STAG1: variants seen among roughly 807,000 people sequenced by gnomAD.
STAG1 encodes STAG1 cohesin complex component, also known as cohesin subunit SA-1.
A neutral mutation model predicts 170.9 loss-of-function variants in STAG1; 26 were observed. The observed-to-expected ratio is 0.15, with a 90% CI of 0.11 to 0.21. The LOEUF (loss-of-function observed/expected upper bound fraction) is 0.21. Ranked by LOEUF, STAG1 falls within the 10% of genes least tolerant of loss-of-function variation. The probability of loss-of-function intolerance (pLI) is 1.00; values close to 1 mark genes in which losing one functional copy is unlikely to be tolerated. For synonymous variants in STAG1, 514 were observed against 497.7 expected (o/e 1.03, Z -0.44); for missense variants, 964 against 1,509.5 (o/e 0.64, Z 5.99).
intron 29 of STAG1, among the ~76,000 whole-genome samples, chr3:136,345,455 G>GT (rs34593330): frequency 0.013 from 1,289 of 98,904 alleles, 19 homozygotes; most frequent in African/African-American, 0.024. Context: ...TTACCTAGTT[G>GT]TTTTTTTTTT....
At chr3:136,380,569 T>C (rs528299240) in intron 22 of STAG1, among the ~76,000 whole-genome samples, 73 of 151,822 alleles carry the variant, frequency 4.8e-4, no homozygotes, top group Middle Eastern at 3.4e-3. Flanking sequence ...GGCCTGAAAA[T>C]AATATATTGG....
Position 136,451,888 on chromosome 3 carries a change from G to C in STAG1, c.1428+145C>G, listed in dbSNP as rs1321388225. 5 of 580,378 alleles carry C rather than the reference G, an allele frequency of 8.6e-6. No homozygotes were observed. The Admixed American group carries it at 1.2e-4, about 14-fold the overall frequency. 36.0% of individuals were successfully genotyped at this position (580,378 alleles called of 1,614,324 possible). The stretch of plus-strand genomic sequence containing the variant: ...GAACACCTTTCCACAAAAGGTAAAG[G>C]ACTGATTCTATATCATGCAATTCAT... On this transcript the variant is annotated intron_variant, in intron 14 of 33. Coordinates refer to ENST00000383202, the MANE Select transcript of STAG1 (RefSeq NM_005862.3).
At chr3:136,466,905 G>C (rs1447758109) in intron 12 of STAG1, among the ~76,000 whole-genome samples, 1 of 152,190 alleles carries the variant, frequency 6.6e-6, no homozygotes, top group Non-Finnish European at 1.5e-5. Flanking sequence ...GCCAAACTAA[G>C]CTTCATGAGT....
intron 1 of STAG1, among the ~76,000 whole-genome samples, chr3:136,738,105 A>T (rs1020242451): frequency 5.3e-5 from 8 of 152,114 alleles, no homozygotes; most frequent in African/African-American, 1.9e-4. Context: ...AAATACTAAA[A>T]AATGCTCAAT....
chr3:136,343,618 G>A (rs1335256781), intron 30 of STAG1, among the ~76,000 whole-genome samples: 2 of 152,274 alleles, frequency 1.3e-5, no homozygotes, highest in East Asian at 1.9e-4. Context: ...GTGAGACACC[G>A]TACATTTAAA....
Position 136,464,877 on chromosome 3 carries a change from T to C in STAG1, c.1313+4A>G. On this transcript the variant is annotated splice_donor_region_variant and intron_variant, in intron 13 of 33. Transcript: ENST00000383202. ...GAACCGGTTTTCAAAGATAATTAGC[T>C]CACTTTTTGTGAAGGAACTCTCCAG... 1.2e-6 allele frequency: 2 copies of C among 1,607,100 alleles called. No individual in the cohort carries two copies. The highest frequency in any genetic ancestry group is 8.5e-7 in the Non-Finnish European group (1 of 1,177,156).
intron 3 of STAG1, among the ~76,000 whole-genome samples, chr3:136,616,641 C>T (rs901013889): frequency 6.6e-6 from 1 of 152,038 alleles, no homozygotes; most frequent in Non-Finnish European, 1.5e-5. Context: ...GGGCCCAGTG[C>T]CTCATGCCTG....
intron 15 of STAG1, among the ~76,000 whole-genome samples, chr3:136,436,441 C>T (rs549521956): frequency 6.6e-6 from 1 of 151,878 alleles, no homozygotes; most frequent in Admixed American, 6.6e-5. Context: ...ACCACCACGC[C>T]CAGCTAATTT....
intron 3 of STAG1, among the ~76,000 whole-genome samples, chr3:136,612,061 A>G (rs2107817574): frequency 6.6e-6 from 1 of 151,610 alleles, no homozygotes. Context: ...GTTACCCAGG[A>G]TGGTCTCGAT....
intron 4 of STAG1, among the ~76,000 whole-genome samples, chr3:136,572,485 T>A (rs1423979379): frequency 6.7e-6 from 1 of 149,912 alleles, no homozygotes. Flanking sequence ...CCCAGCTACT[T>A]GGGAGGCTGA....
chr3:136,619,024 T>C (rs189871207), intron 3 of STAG1, among the ~76,000 whole-genome samples: 1 of 152,240 alleles, frequency 6.6e-6, no homozygotes, highest in East Asian at 1.9e-4. Context: ...TTTACATGTG[T>C]ATATGTGTGT....
At chr3:136,343,343 C>A (rs921447500) in intron 30 of STAG1, among the ~76,000 whole-genome samples, 9 of 152,184 alleles carry the variant, frequency 5.9e-5, no homozygotes, top group Non-Finnish European at 7.3e-5. Flanking sequence ...TTGAGGGCAA[C>A]TATTCTCAGA....
At chr3:136,402,775 C>T (rs1178516529) in intron 21 of STAG1, among the ~76,000 whole-genome samples, 2 of 151,500 alleles carry the variant, frequency 1.3e-5, no homozygotes, top group Admixed American at 6.6e-5. Flanking sequence ...TGCAGTGAGT[C>T]GAGATCATGC....
chr3:136,342,046 GTCTTGC>G (rs1935999184), intron 30 of STAG1, among the ~76,000 whole-genome samples: 1 of 150,756 alleles, frequency 6.6e-6, no homozygotes, highest in Non-Finnish European at 1.5e-5. Flanking sequence ...TTGAGATGGA[GTCTTGC>G]TCTGTCATCC....
chr3:136,724,378 G>A (rs1229470595), intron 1 of STAG1, among the ~76,000 whole-genome samples: 1 of 151,202 alleles, frequency 6.6e-6, no homozygotes, highest in Non-Finnish European at 1.5e-5. Context: ...TGCAAGATGC[G>A]CTTTGTTAAA....
intron 1 of STAG1, among the ~76,000 whole-genome samples, chr3:136,701,249 G>C (rs188519853): frequency 1.3e-5 from 2 of 152,132 alleles, no homozygotes; most frequent in East Asian, 3.9e-4. Context: ...AGAAAACTCT[G>C]AATATTGTCC....
chr3:136,436,254 C>A (rs924661047), intron 15 of STAG1, among the ~76,000 whole-genome samples: 7 of 152,044 alleles, frequency 4.6e-5, no homozygotes, highest in Non-Finnish European at 8.8e-5. Flanking sequence ...CCACGCCTGG[C>A]CTCATTCTTA....
Position 136,615,776 on chromosome 3 carries a change from T to TA in STAG1, c.132+7369_132+7370insT, listed in dbSNP as rs1939562057. The stretch of plus-strand genomic sequence containing the variant: ...CTGGGCAATAGAGCAAGACTCCAAA[T>TA]CAAAAAAAAAAAGAAAATGAAAAAA... On this transcript the variant is annotated intron_variant, in intron 3 of 33. Transcript: ENST00000383202. Among the ~76,000 whole-genome samples the TA allele has an allele frequency of 8.1e-4, 65 of 79,980 alleles. 1 individual carries two copies. Among genetic ancestry groups the TA allele is most frequent in the African/African-American group, 3.8e-3 (52 of 13,646 alleles). 52.5% of individuals were successfully genotyped at this position (79,980 alleles called of 152,430 possible). A position where few individuals can be genotyped will look rare whatever the true frequency, so the allele number is the denominator to read the frequency against.
intron 24 of STAG1, among the ~76,000 whole-genome samples, chr3:136,367,937 T>G (rs1444765850): frequency 2.0e-5 from 3 of 152,188 alleles, no homozygotes; most frequent in Non-Finnish European, 2.9e-5. Context: ...TGTTTCAGGC[T>G]CTGTACTGAC....
Sources: gnomAD v4.1 joint callset for allele counts (sites outside exome capture counted in the v4.1 genomes callset) on GRCh38, gnomAD v4.1.1 for gene constraint, MANE v1.5 for transcripts, NCBI Gene and HGNC (gene_info 2026-07-23, HGNC 2026-07-21) for gene names.